Variants in ULK4 observed in about 807,000 individuals in gnomAD.
The protein encoded by ULK4 is unc-51 like kinase 4, also known as inactive serine/threonine-protein kinase ULK4.
In ULK4, 133 loss-of-function variants were observed where a neutral mutation model predicts 160.6. The ratio of observed to expected loss-of-function variants is 0.83; its 90% CI spans 0.72 to 0.96. The LOEUF (loss-of-function observed/expected upper bound fraction) is 0.96. Ranked by LOEUF, ULK4 falls within the 40% of genes least tolerant of loss-of-function variation. The pLI, the probability that ULK4 is intolerant of heterozygous loss-of-function variation, is 0.00. For synonymous variants in ULK4, 534 were observed against 539.8 expected (o/e 0.99, Z 0.15); for missense variants, 1,580 against 1,499.5 (o/e 1.05, Z -0.89).
chr3:41,802,629 A>C (rs1266397928), intron 19 of ULK4, among the ~76,000 whole-genome samples: 1 of 152,154 alleles, frequency 6.6e-6, no homozygotes, highest in Non-Finnish European at 1.5e-5. Context: ...GAAATGACAA[A>C]AATGTATTGT....
In ULK4 at chr3:41,919,803, G is replaced by A. The variant is rs1474346055; in HGVS notation, c.557C>T (p.Thr186Ile). The change falls in exon 6 of 37, where the codon ACA (threonine) becomes ATA (isoleucine). Residue 186 changes from threonine (T) to isoleucine (I), a missense_variant. Thr to Ile is a moderately conservative substitution (Grantham distance 89). Coordinates refer to ENST00000301831, the MANE Select transcript of ULK4 (RefSeq NM_017886.4). ...AGCACCCCTCACAACTTCTGGTGCT[G>A]TATATACAGGAGATCCTAAAAGCAA... ...KSRVKGSPVY[T>I]APEVVRGADF... 6.2e-7 allele frequency: 1 copy of A among 1,612,882 alleles called. No individual in the cohort carries two copies. Among genetic ancestry groups the A allele is most frequent in the South Asian group, 1.1e-5 (1 of 90,964 alleles).
intron 3 of ULK4, 181 bp downstream of exon 3, chr3:41,937,917 G>A (rs917097447): frequency 1.7e-5 from 7 of 404,304 alleles, no homozygotes; most frequent in Admixed American, 1.3e-4. Context: ...AATCCAACCC[G>A]GAATTGAATT....
At chr3:41,750,351 A>G (rs1334051861) in intron 22 of ULK4, among the ~76,000 whole-genome samples, 1 of 152,178 alleles carries the variant, frequency 6.6e-6, no homozygotes, top group Non-Finnish European at 1.5e-5. Context: ...TCAGAAGAGA[A>G]CACATTCAAC....
At chr3:41,737,386 C>A (rs1055186561) in intron 22 of ULK4, among the ~76,000 whole-genome samples, 2 of 151,914 alleles carry the variant, frequency 1.3e-5, no homozygotes, top group African/African-American at 2.4e-5. Flanking sequence ...AATGGAAGAA[C>A]ATTCCATGCT....
intron 30 of ULK4, among the ~76,000 whole-genome samples, chr3:41,618,849 G>A (rs1448727204): frequency 6.6e-6 from 1 of 151,906 alleles, no homozygotes; most frequent in African/African-American, 2.4e-5. Flanking sequence ...AAAGAGTCAA[G>A]ACCCATTGGG....
At chr3:41,815,009 A>G (rs1320507775) in intron 19 of ULK4, among the ~76,000 whole-genome samples, 3 of 151,266 alleles carry the variant, frequency 2.0e-5, no homozygotes, top group Non-Finnish European at 4.4e-5. Context: ...CCCAGGTTCA[A>G]GCGATTCTCC....
chr3:41,463,253 C>T lies in ULK4; in HGVS notation c.3227G>A (p.Gly1076Glu). Residue 1076 changes from glycine (G) to glutamate (E), a missense_variant and splice_region_variant, in exon 33 of 37, where the codon GGA becomes GAA. Gly to Glu is a moderately conservative substitution (Grantham distance 98). Coordinates refer to ENST00000301831, the MANE Select transcript of ULK4 (RefSeq NM_017886.4). ...CAGGTTACAGATGTGACTGACAAGTCCTGAGGGTAAAAAAGGAAAAGAAAA... is the reference window on the plus strand; with the variant it reads ...CAGGTTACAGATGTGACTGACAAGTTCTGAGGGTAAAAAAGGAAAAGAAAA... ...DSNMELLYEQGLVSHICNLLT... is the reference protein window; with the variant it reads ...DSNMELLYEQELVSHICNLLT... 6.2e-7 allele frequency: 1 copy of T among 1,607,740 alleles called. No individual in the cohort carries two copies. Among genetic ancestry groups the T allele is most frequent in the Non-Finnish European group, 8.5e-7 (1 of 1,176,380 alleles).
At chr3:41,565,825 A>G (rs986537224) in intron 32 of ULK4, among the ~76,000 whole-genome samples, 200 bp downstream of exon 32, 1 of 152,182 alleles carries the variant, frequency 6.6e-6, no homozygotes, top group Non-Finnish European at 1.5e-5. Flanking sequence ...AGCAGTGACT[A>G]TTGACTTTAT....
At chr3:41,925,019 A>C (rs1022517980) in intron 5 of ULK4, among the ~76,000 whole-genome samples, 1 of 152,124 alleles carries the variant, frequency 6.6e-6, no homozygotes, top group Non-Finnish European at 1.5e-5. Context: ...ACATCACTTC[A>C]TACTCTCCCC....
At position 41,580,980 on chromosome 3, in the gene ULK4, AAAC is replaced by A. The variant is rs541825031; in HGVS notation, c.3121-14853_3121-14851del. Reference sequence around the variant, plus strand: ...ATTCCTAAGCTTTATGACTACATTCAAACAAAACAGTTCTGCACAATGTCAGTT... The same window carrying A: ...ATTCCTAAGCTTTATGACTACATTCAAAAACAGTTCTGCACAATGTCAGTT... On this transcript the variant is annotated intron_variant, in intron 31 of 36. Transcript: ENST00000301831. 3.8e-3 allele frequency among the ~76,000 whole-genome samples: 579 copies of A among 152,324 alleles called. 1 individual carries two copies. Among genetic ancestry groups the A allele is most frequent in the African/African-American group, 0.013 (534 of 41,568 alleles).
At chr3:41,883,287 C>T (rs1364799526) in intron 17 of ULK4, among the ~76,000 whole-genome samples, 1 of 152,168 alleles carries the variant, frequency 6.6e-6, no homozygotes, top group Non-Finnish European at 1.5e-5. Context: ...AAATACCACA[C>T]AACCAGCTTC....
At chr3:41,610,250 C>T (rs2032608830) in intron 31 of ULK4, among the ~76,000 whole-genome samples, 1 of 151,924 alleles carries the variant, frequency 6.6e-6, no homozygotes, top group African/African-American at 2.4e-5. Flanking sequence ...CTCTTGACCT[C>T]AAGTGACCCA....
chr3:41,262,685 G>A lies in ULK4; in HGVS notation c.3679-13111C>T, dbSNP rs530053973. ...CATAAGACATGATTATTTTCTAAGA[G>A]AAAATTATCCATAGCTACCTCCTTT... is the stretch of plus-strand genomic sequence containing the variant. On this transcript the variant is annotated intron_variant, in intron 35 of 36. Transcript: ENST00000301831. Among the ~76,000 whole-genome samples, 5 of 152,250 alleles carry A rather than the reference G, an allele frequency of 3.3e-5. No homozygotes were observed. The East Asian group carries it at 9.7e-4, about 29-fold the overall frequency.
intron 34 of ULK4, among the ~76,000 whole-genome samples, chr3:41,446,155 G>C (rs1396869209): frequency 6.6e-6 from 1 of 152,146 alleles, no homozygotes; most frequent in East Asian, 1.9e-4. Context: ...TCAGAGAAAT[G>C]CAAATCAAAA....
At chr3:41,273,920 C>T (rs941274395) in intron 35 of ULK4, among the ~76,000 whole-genome samples, 1 of 152,150 alleles carries the variant, frequency 6.6e-6, no homozygotes, top group African/African-American at 2.4e-5. Context: ...TGTGATACAG[C>T]ACAAAAGCCC....
chr3:41,360,557 C>T (rs2081121525), intron 35 of ULK4, among the ~76,000 whole-genome samples: 2 of 152,158 alleles, frequency 1.3e-5, no homozygotes, highest in Admixed American at 1.3e-4. Flanking sequence ...GAATGTGGTA[C>T]ATATACACCA....
Position 41,754,814 on chromosome 3 carries a change from C to G in ULK4, c.2194-326G>C, listed in dbSNP as rs149770062. Among the ~76,000 whole-genome samples, 750 of 152,272 alleles carry G rather than the reference C, an allele frequency of 4.9e-3. 7 individuals carry two copies. The highest frequency in any genetic ancestry group is 7.4e-3 in the Non-Finnish European group (501 of 68,014). ...TGACAAAGCCTGCCTGTTAACTACT[C>G]AATCACACAACTGGAAATGTGGCAG... is the stretch of plus-strand genomic sequence containing the variant. On this transcript the variant is annotated intron_variant, in intron 21 of 36. Transcript: ENST00000301831.
intron 35 of ULK4, among the ~76,000 whole-genome samples, chr3:41,275,872 G>A (rs1345943457): frequency 2.0e-5 from 3 of 152,246 alleles, no homozygotes; most frequent in Admixed American, 2.0e-4. Flanking sequence ...AGGCAGAACA[G>A]GTGGTTAATG....
rs190276420 is a variant in ULK4, at chr3:41,373,531, T to C, written c.3678+24548A>G. Among the ~76,000 whole-genome samples the C allele has an allele frequency of 2.3e-3, 346 of 152,304 alleles. 1 individual carries two copies. The highest frequency in any genetic ancestry group is 8.1e-3 in the African/African-American group (335 of 41,566). On this transcript the variant is annotated intron_variant, in intron 35 of 36. Transcript: ENST00000301831. ...GGAAGCTGAACAACATGCTCCTGAA[T>C]GACTACTCAGTAAATAGCAAAATTA...
Sources: gnomAD v4.1 joint callset for allele counts (sites outside exome capture counted in the v4.1 genomes callset) on GRCh38, gnomAD v4.1.1 for gene constraint, MANE v1.5 for transcripts, NCBI Gene and HGNC (gene_info 2026-07-23, HGNC 2026-07-21) for gene names.